Variants in PPP2R2B observed in about 807,000 individuals in gnomAD.
PPP2R2B encodes protein phosphatase 2 regulatory subunit Bbeta.
PPP2R2B carries 5 observed loss-of-function variants against 46.0 expected under a neutral mutation model. The ratio of observed to expected loss-of-function variants is 0.11; its 90% CI spans 0.06 to 0.23. The LOEUF (loss-of-function observed/expected upper bound fraction) is 0.23, where lower values mean the gene tolerates loss of function less well. PPP2R2B is among the 10% of genes least tolerant of loss of function. The pLI is 1.00. For synonymous variants in PPP2R2B, 215 were observed against 206.7 expected, an observed-to-expected ratio of 1.04 and a Z score of -0.34; for missense variants, 367 against 575.0, an observed-to-expected ratio of 0.64 and a Z score of 3.70.
At chr5:146,598,204 C>T (rs1204828459) in intron 8 of PPP2R2B, among the ~76,000 whole-genome samples, 1 of 152,222 alleles carries the variant, frequency 6.6e-6, no homozygotes, top group Admixed American at 6.5e-5. Context: ...TACTGATAAT[C>T]TCCACTTACT....
chr5:147,070,500 T>G (rs1757555801), intron 2 of PPP2R2B, among the ~76,000 whole-genome samples: 1 of 152,202 alleles, frequency 6.6e-6, no homozygotes, highest in Admixed American at 6.5e-5. Flanking sequence ...AGGCAGTAAG[T>G]AGGATGATGC....
At chr5:147,025,453 A>G (rs775852354) in intron 1 of PPP2R2B, among the ~76,000 whole-genome samples, 1 of 151,888 alleles carries the variant, frequency 6.6e-6, no homozygotes, top group Non-Finnish European at 1.5e-5. Context: ...TCACGCGAAG[A>G]CATTACAAAT....
intron 2 of PPP2R2B, among the ~76,000 whole-genome samples, chr5:146,728,138 C>CTTTTT (rs757396751): frequency 6.4e-4 from 53 of 82,492 alleles, no homozygotes; most frequent in Non-Finnish European, 8.1e-4. Flanking sequence ...GAAACACTTA[C>CTTTTT]TTTTTTTTTT....
chr5:146,585,600 T>C lies in PPP2R2B; in HGVS notation c.*4347A>G, dbSNP rs1370401095. ...ACCTTGAGTTGGAGTCCTGGTTCCA[T>C]CTCTCTCGGGCTTTGTGCCCTTGGC... On this transcript the variant is annotated 3_prime_UTR_variant, in exon 10 of 10. Coordinates refer to ENST00000394411, the MANE Select transcript of PPP2R2B (RefSeq NM_181675.4). 2.0e-5 allele frequency: 3 copies of C among 152,202 alleles called. No homozygotes were observed. The highest frequency in any genetic ancestry group is 7.2e-5 in the African/African-American group (3 of 41,458). 9.4% of individuals were successfully genotyped at this position (152,202 alleles called of 1,614,324 possible).
intron 2 of PPP2R2B, chr5:146,706,746 T>C: frequency 1.2e-6 from 1 of 806,254 alleles, no homozygotes; most frequent in Non-Finnish European, 2.2e-6. Context: ...CCAGCCAGCG[T>C]CTGCAGCTCC....
intron 5 of PPP2R2B, chr5:146,656,827 AC>A (rs1223571961): frequency 1.3e-5 from 2 of 152,112 alleles, no homozygotes; most frequent in Non-Finnish European, 2.9e-5. Flanking sequence ...AGGTGTGGCT[AC>A]CTGTGAGTAG....
chr5:146,800,004 C>T (rs893820575), intron 2 of PPP2R2B, among the ~76,000 whole-genome samples: 11 of 152,004 alleles, frequency 7.2e-5, no homozygotes, highest in South Asian at 4.2e-4. Context: ...TTGCTCAACA[C>T]GATAGTTCAT....
intron 2 of PPP2R2B, among the ~76,000 whole-genome samples, chr5:146,844,126 T>A (rs1759834905): frequency 6.9e-6 from 1 of 145,352 alleles, no homozygotes; most frequent in Non-Finnish European, 1.5e-5. Context: ...CACCGCATAT[T>A]CTCACTCATA....
At position 146,670,685 on chromosome 5, in the gene PPP2R2B, G is replaced by A. The variant is rs565593033; in HGVS notation, c.448-19961C>T. On this transcript the variant is annotated intron_variant, in intron 5 of 9. Transcript: ENST00000394411. ...TAATTTTTATATTTTTAGTGGAGAC[G>A]GGGTTTCATCATGTCAGCCAGGCTG... is the stretch of plus-strand genomic sequence containing the variant. Among the ~76,000 whole-genome samples, 12 of 151,838 alleles carry A rather than the reference G, an allele frequency of 7.9e-5. 1 individual carries two copies. Among genetic ancestry groups the A allele is most frequent in the Middle Eastern group, 3.4e-3 (1 of 294 alleles).
At chr5:146,699,661 G>GTTTTTTT (rs11388336) in intron 3 of PPP2R2B, among the ~76,000 whole-genome samples, 1 of 118,060 alleles carries the variant, frequency 8.5e-6, no homozygotes, top group Non-Finnish European at 1.7e-5. Flanking sequence ...AACTTAATTG[G>GTTTTTTT]TTTTTTTTTT....
intron 2 of PPP2R2B, among the ~76,000 whole-genome samples, chr5:146,712,248 T>C (rs1053731497): frequency 6.6e-6 from 1 of 152,234 alleles, no homozygotes; most frequent in African/African-American, 2.4e-5. Flanking sequence ...TTTTTCTCTT[T>C]CTCCCTCCCT....
intron 2 of PPP2R2B, among the ~76,000 whole-genome samples, chr5:146,701,628 A>T (rs941842272): frequency 1.3e-5 from 2 of 152,218 alleles, no homozygotes; most frequent in African/African-American, 2.4e-5. Flanking sequence ...CAAAGAAATC[A>T]TTGGGAAAAC....
At chr5:146,817,425 C>T (rs566565148) in intron 2 of PPP2R2B, among the ~76,000 whole-genome samples, 146 of 152,224 alleles carry the variant, frequency 9.6e-4, no homozygotes, top group African/African-American at 3.3e-3. Flanking sequence ...TATTTATATG[C>T]AAATAAATTT....
At chr5:146,900,907 T>C (rs1243373287) in intron 1 of PPP2R2B, among the ~76,000 whole-genome samples, 1 of 152,032 alleles carries the variant, frequency 6.6e-6, no homozygotes, top group Admixed American at 6.6e-5. Context: ...CCTGCATTAG[T>C]TTGCTGAGGA....
At chr5:146,740,326 T>C (rs1269846923) in intron 2 of PPP2R2B, among the ~76,000 whole-genome samples, 1 of 152,170 alleles carries the variant, frequency 6.6e-6, no homozygotes, top group Admixed American at 6.5e-5. Context: ...ATTTCCCTTA[T>C]GTCTCCTAAG....
intron 2 of PPP2R2B, among the ~76,000 whole-genome samples, chr5:147,075,033 G>A (rs1207430989): frequency 2.0e-5 from 3 of 152,160 alleles, no homozygotes; most frequent in Non-Finnish European, 4.4e-5. Flanking sequence ...GTATCAGAAA[G>A]AAAATGGTTA....
chr5:147,006,120 G>T (rs969583844), intron 1 of PPP2R2B, among the ~76,000 whole-genome samples: 1 of 152,154 alleles, frequency 6.6e-6, no homozygotes, highest in Non-Finnish European at 1.5e-5. Flanking sequence ...CTCCCTTCAG[G>T]ATAGGACGAT....
intron 5 of PPP2R2B, among the ~76,000 whole-genome samples, chr5:146,667,342 A>G (rs1357846890): frequency 5.0e-5 from 5 of 99,684 alleles, no homozygotes; most frequent in African/African-American, 2.4e-4. Flanking sequence ...GCACACACAC[A>G]CACACACACA....
rs1769896783 is a variant in PPP2R2B, at chr5:146,581,583, T to G, written c.*8364A>C. ...GAAAAATAAGAACTGTTGTCCTTCT[T>G]CTCGTCAGGGAGGAAATGAGGGGTT... On this transcript the variant is annotated 3_prime_UTR_variant, in exon 10 of 10. Coordinates refer to ENST00000394411, the MANE Select transcript of PPP2R2B (RefSeq NM_181675.4). 6.6e-6 allele frequency: 1 copy of G among 152,180 alleles called. No homozygotes were observed. The highest frequency in any genetic ancestry group is 2.4e-5 in the African/African-American group (1 of 41,436). 9.4% of individuals were successfully genotyped at this position (152,180 alleles called of 1,614,324 possible). A position where few individuals can be genotyped will look rare whatever the true frequency, so the allele number is the denominator to read the frequency against.
Sources: gnomAD v4.1 joint callset for allele counts (sites outside exome capture counted in the v4.1 genomes callset) on GRCh38, gnomAD v4.1.1 for gene constraint, MANE v1.5 for transcripts, NCBI Gene and HGNC (gene_info 2026-07-23, HGNC 2026-07-21) for gene names.